Variants in DNAH6 observed in about 807,000 individuals in gnomAD.
The protein encoded by DNAH6 is axonemal beta dynein heavy chain 6.
DNAH6 carries 340 observed loss-of-function variants against 491.4 expected under a neutral mutation model. That is an observed-to-expected ratio of 0.69 (90% confidence interval 0.63 to 0.76). DNAH6 has a LOEUF of 0.76. Among genes scored for constraint, DNAH6 ranks in the 30% least tolerant of loss-of-function variants. The probability of loss-of-function intolerance (pLI) is 0.00; values close to 1 mark genes in which losing one functional copy is unlikely to be tolerated. For missense variants in DNAH6, 4,443 were observed against 4,972.2 expected, an observed-to-expected ratio of 0.89 and a Z score of 3.20; for synonymous variants, 1,603 against 1,686.1, an observed-to-expected ratio of 0.95 and a Z score of 1.21.
At chr2:84,614,901 C>T (rs1455706731) in intron 22 of DNAH6, among the ~76,000 whole-genome samples, 2 of 151,880 alleles carry the variant, frequency 1.3e-5, no homozygotes, top group Non-Finnish European at 2.9e-5. Context: ...ATTTGAGTTC[C>T]TTGCAGATTC....
chr2:84,759,223 C>T lies in DNAH6; in HGVS notation c.10513-3532C>T, dbSNP rs531720078. 2.7e-3 allele frequency among the ~76,000 whole-genome samples: 406 copies of T among 151,436 alleles called. 2 individuals are homozygous for T. The highest frequency in any genetic ancestry group is 5.3e-3 in the Admixed American group (81 of 15,206). On this transcript the variant is annotated intron_variant, in intron 63 of 76. Coordinates refer to ENST00000389394, the MANE Select transcript of DNAH6 (RefSeq NM_001370.2). ...AATAGCTACCAAAAAAAAAAAAATACCTGGCTGGGCGCAGTGACTCACACC... is the reference window on the plus strand; with the variant it reads ...AATAGCTACCAAAAAAAAAAAAATATCTGGCTGGGCGCAGTGACTCACACC...
chr2:84,642,151 C>T, intron 33 of DNAH6, 97 bp downstream of exon 33: 3 of 820,710 alleles, frequency 3.7e-6, no homozygotes, highest in Non-Finnish European at 5.8e-6. Flanking sequence ...AAGCTGAAAA[C>T]TTTCCTATCT....
rs7584208 is a variant in DNAH6, at chr2:84,819,351, G to A, written c.12420G>A (p.Arg4140=). Residue 4140 remains arginine, a synonymous_variant, in exon 77 of 77, where the codon CGG becomes CGA. Transcript: ENST00000389394. ...TAACCGTCCTGTTACCCTCCAAGCG[G>A]TCCAAAGACTACTGGATTGCCAAGG... ...FVVTVLLPSK[R]SKDYWIAKGS... is the part of the protein sequence containing the mutation. 6.2e-3 allele frequency: 9,545 copies of A among 1,551,174 alleles called. 556 individuals are homozygous for A. The African/African-American group carries it at 0.12, about 19-fold the overall frequency.
chr2:84,704,280 A>G lies in DNAH6; in HGVS notation c.8443A>G (p.Ile2815Val). 2 of 1,551,368 alleles carry G rather than the reference A, an allele frequency of 1.3e-6. No individual in the cohort carries two copies. Among genetic ancestry groups the G allele is most frequent in the Non-Finnish European group, 1.7e-6 (2 of 1,146,686 alleles). Residue 2815 changes from isoleucine (I) to valine (V), a missense_variant, in exon 51 of 77, where the codon ATC becomes GTC. Coordinates refer to ENST00000389394, the MANE Select transcript of DNAH6 (RefSeq NM_001370.2). ...TTTGGTCATGACAGTAATGGAAGCA[A>G]TCTCCATTCTTTTGAATGCCAAGTG... is the stretch of plus-strand genomic sequence containing the variant. ...PDLVMTVMEA[I>V]SILLNAKPDW...
chr2:84,575,721 A>G (rs1234282193), intron 12 of DNAH6, among the ~76,000 whole-genome samples: 1 of 152,184 alleles, frequency 6.6e-6, no homozygotes, highest in Non-Finnish European at 1.5e-5. Context: ...CGTCTCTACT[A>G]AAAGTACAAA....
In DNAH6 at chr2:84,713,275, C is replaced by A; in HGVS notation, c.9543+16C>A. On this transcript the variant is annotated intron_variant, in intron 57 of 76. Coordinates refer to ENST00000389394, the MANE Select transcript of DNAH6 (RefSeq NM_001370.2). Reference sequence around the variant, plus strand: ...TCTGCCTGAGGTATGAACTACTGGTCTGGAATTCTCAACTTAACTGGATTA... The same window carrying A: ...TCTGCCTGAGGTATGAACTACTGGTATGGAATTCTCAACTTAACTGGATTA... 1.3e-6 allele frequency: 2 copies of A among 1,546,670 alleles called. No individual in the cohort carries two copies. Among genetic ancestry groups the A allele is most frequent in the South Asian group, 2.4e-5 (2 of 83,500 alleles).
chr2:84,712,391 G>A (rs577304359), intron 56 of DNAH6, among the ~76,000 whole-genome samples: 18 of 152,272 alleles, frequency 1.2e-4, no homozygotes, highest in African/African-American at 3.9e-4. Context: ...CATCACATAC[G>A]TCCTGACATA....
chr2:84,595,556 G>T, intron 17 of DNAH6, 90 bp from the exon 18 acceptor site: 3 of 1,181,206 alleles, frequency 2.5e-6, no homozygotes, highest in South Asian at 1.7e-5. Context: ...TGTAGATTTG[G>T]ATTAACTTTT....
intron 37 of DNAH6, among the ~76,000 whole-genome samples, chr2:84,666,237 G>A (rs1441374870): frequency 6.6e-6 from 1 of 152,130 alleles, no homozygotes; most frequent in Non-Finnish European, 1.5e-5. Context: ...ACATAGTGTT[G>A]GAAGTTCTGG....
At chr2:84,706,760 C>T in intron 52 of DNAH6, 136 bp from the exon 53 acceptor site, 1 of 963,060 alleles carries the variant, frequency 1.0e-6, no homozygotes, top group Non-Finnish European at 1.5e-6. Context: ...TTTGTTTTAA[C>T]TTTATGTATC....
intron 76 of DNAH6, among the ~76,000 whole-genome samples, chr2:84,819,029 A>G (rs1682901387): frequency 6.6e-6 from 1 of 152,136 alleles, no homozygotes; most frequent in South Asian, 2.1e-4. Context: ...AGCTGAGATC[A>G]CGCCACTACA....
At position 84,594,569 on chromosome 2, in the gene DNAH6, C is replaced by T. The variant is rs544499461; in HGVS notation, c.2724+484C>T. Among the ~76,000 whole-genome samples, 21 of 152,250 alleles carry T rather than the reference C, an allele frequency of 1.4e-4. No individual in the cohort carries two copies. In the South Asian group the frequency reaches 4.4e-3, roughly 32 times the overall value. ...AATTAGAGAGCCAAATATCAACAGC[C>T]ATCAGAGAGTTTTGTTTCTAGGATC... is the stretch of plus-strand genomic sequence containing the variant. On this transcript the variant is annotated intron_variant, in intron 17 of 76. Transcript: ENST00000389394.
At chr2:84,628,841 A>G (rs995798646) in intron 29 of DNAH6, among the ~76,000 whole-genome samples, 4 of 152,224 alleles carry the variant, frequency 2.6e-5, no homozygotes, top group Non-Finnish European at 5.9e-5. Flanking sequence ...ATAAAAAGAT[A>G]TGAAGAATAA....
chr2:84,735,061 C>CT (rs1699424771), intron 62 of DNAH6, among the ~76,000 whole-genome samples: 1 of 152,094 alleles, frequency 6.6e-6, no homozygotes, highest in Non-Finnish European at 1.5e-5. Context: ...TCCATCTGCT[C>CT]TTTCAGAGTC....
intron 41 of DNAH6, among the ~76,000 whole-genome samples, chr2:84,678,333 A>G (rs1459033304): frequency 6.6e-6 from 1 of 152,162 alleles, no homozygotes; most frequent in Non-Finnish European, 1.5e-5. Flanking sequence ...CACCAAAGCC[A>G]TTAGAAGGGT....
intron 10 of DNAH6, among the ~76,000 whole-genome samples, chr2:84,553,340 TTTTCCTTTC>T (rs1172312950): frequency 6.4e-5 from 2 of 31,484 alleles, no homozygotes; most frequent in Non-Finnish European, 1.2e-4. Context: ...TGTGAATACC[TTTTCCTTTC>T]TTTTCTTTTC....
the DNAH6 span, among the ~76,000 whole-genome samples, chr2:84,510,283 C>T: frequency 6.6e-6 from 1 of 152,108 alleles, no homozygotes; most frequent in African/African-American, 2.4e-5. Context: ...TCTTTTTATT[C>T]TTTTTTCTCT....
intron 59 of DNAH6, 68 bp from the exon 60 acceptor site, chr2:84,722,557 A>G (rs541880580): frequency 1.3e-5 from 17 of 1,298,530 alleles, no homozygotes; most frequent in Non-Finnish European, 1.8e-5. Flanking sequence ...CTAACTGGAT[A>G]CATTCCAGAA....
At chr2:84,548,039 AG>A (rs1678951114) in intron 7 of DNAH6, among the ~76,000 whole-genome samples, 1 of 152,238 alleles carries the variant, frequency 6.6e-6, no homozygotes, top group Non-Finnish European at 1.5e-5. Flanking sequence ...CCTAGGAAAG[AG>A]GTAGCATAAT....
Sources: allele counts gnomAD v4.1 joint callset (sites outside exome capture counted in the v4.1 genomes callset), GRCh38; gene constraint gnomAD v4.1.1; transcripts MANE v1.5; gene names NCBI Gene and HGNC (gene_info 2026-07-23, HGNC 2026-07-21).